Variants in RET observed in about 807,000 individuals in gnomAD.
RET encodes ret proto-oncogene.
RET carries 19 observed loss-of-function variants against 118.3 expected under a neutral mutation model. The observed-to-expected ratio is 0.16, with a 90% CI of 0.11 to 0.24. RET has a LOEUF of 0.24. Ranked by LOEUF, RET falls within the 10% of genes least tolerant of loss-of-function variation. The pLI is 1.00. For missense variants in RET, 1,219 were observed against 1,502.1 expected, an observed-to-expected ratio of 0.81 and a Z score of 3.12; for synonymous variants, 597 against 644.1, an observed-to-expected ratio of 0.93 and a Z score of 1.11.
chr10:43,113,454 C>A, intron 9 of RET, 102 bp from the exon 10 acceptor site: 1 of 1,370,900 alleles, frequency 7.3e-7, no homozygotes, highest in South Asian at 1.4e-5. Flanking sequence ...ATGCTTGCGA[C>A]ACCAGTTGGG....
At chr10:43,087,180 G>A (rs1449648562) in intron 1 of RET, among the ~76,000 whole-genome samples, 2 of 152,230 alleles carry the variant, frequency 1.3e-5, no homozygotes, top group Non-Finnish European at 2.9e-5. Context: ...CCATGTTCGT[G>A]CGTGCAGGGA....
chr10:43,083,958 C>G (rs1038434693), intron 1 of RET, among the ~76,000 whole-genome samples: 1 of 152,246 alleles, frequency 6.6e-6, no homozygotes, highest in African/African-American at 2.4e-5. Context: ...CGGGCAACCC[C>G]CAGCCTGCGT....
At position 43,106,769 on chromosome 10, in the gene RET, A is replaced by G. The variant is rs1301016955; in HGVS notation, c.1063+198A>G. Among the ~76,000 whole-genome samples the G allele has an allele frequency of 6.6e-6, 1 of 152,042 alleles. No homozygotes were observed. The highest frequency in any genetic ancestry group is 1.5e-5 in the Non-Finnish European group (1 of 67,994). On this transcript the variant is annotated intron_variant, in intron 5 of 19. Coordinates refer to ENST00000355710, the MANE Select transcript of RET (RefSeq NM_020975.6). This position sits in a 1 kb window ranked among gnomAD's most constrained non-coding sequence, Gnocchi z 5.1. ...TCCAGCCACCAGCAGGGCTTTCACC[A>G]TGGGACCTCTCTCCCTGAGCTGATC...
At chr10:43,121,822 C>T (rs1838224161) in intron 15 of RET, 124 bp from the exon 16 acceptor site, 4 of 771,962 alleles carry the variant, frequency 5.2e-6, no homozygotes, top group Admixed American at 3.5e-5. Context: ...GTTCTGTGCC[C>T]AGGAGTGTCT....
At chr10:43,087,233 C>T (rs915950911) in intron 1 of RET, among the ~76,000 whole-genome samples, 1 of 152,256 alleles carries the variant, frequency 6.6e-6, no homozygotes, top group Non-Finnish European at 1.5e-5. Flanking sequence ...ATCTCTCCTC[C>T]TCCTCAGCTG....
intron 19 of RET, chr10:43,127,073 G>A (rs755554528): frequency 8.3e-7 from 1 of 1,210,706 alleles, no homozygotes; most frequent in Non-Finnish European, 1.0e-6. Context: ...CTTTAACTAA[G>A]TGGATAAATA....
rs1197686992 is a variant in RET at position 43,114,854 on chromosome 10, G to A, written c.2136+118G>A. The A allele has an allele frequency of 9.7e-6, 11 of 1,133,226 alleles. No individual in the cohort carries two copies. In the East Asian group the frequency reaches 1.5e-4, roughly 16 times the overall value. 70.2% of individuals were successfully genotyped at this position (1,133,226 alleles called of 1,614,324 possible). ...GAGGGGCTGCCAACGCTGGGCAGAC[G>A]AGGCCTGTGTTCTGCCCCCATTTCC... is the stretch of plus-strand genomic sequence containing the variant. On this transcript the variant is annotated intron_variant, in intron 11 of 19. Coordinates refer to ENST00000355710, the MANE Select transcript of RET (RefSeq NM_020975.6). This position sits in a 1 kb window ranked among gnomAD's most constrained non-coding sequence, Gnocchi z 4.6.
In RET at chr10:43,077,293, G is replaced by C; in HGVS notation, c.35G>C (p.Arg12Pro). ...AKATSGAAGL[R>P]LLLLLLLPLL... Reference sequence around the variant, plus strand: ...GCGACGTCCGGTGCCGCGGGGCTGCGTCTGCTGTTGCTGCTGCTGCTGCCG... The same window carrying C: ...GCGACGTCCGGTGCCGCGGGGCTGCCTCTGCTGTTGCTGCTGCTGCTGCCG... The change falls in exon 1 of 20, where the codon CGT (arginine) becomes CCT (proline). Residue 12 changes from arginine to proline, a missense_variant. Arg to Pro is a moderately radical substitution (Grantham distance 103, BLOSUM62 -2). Around this residue, in one of 5 missense-constraint regions of RET, gnomAD observed 38 missense variants for 33.1 expected, o/e 1.15. Coordinates refer to ENST00000355710, the MANE Select transcript of RET (RefSeq NM_020975.6). 6.6e-7 allele frequency: 1 copy of C among 1,510,414 alleles called. No individual in the cohort carries two copies. The highest frequency in any genetic ancestry group is 8.8e-7 in the Non-Finnish European group (1 of 1,135,010). 93.6% of individuals were successfully genotyped at this position (1,510,414 alleles called of 1,614,324 possible).
chr10:43,079,624 T>A (rs997251497), intron 1 of RET, among the ~76,000 whole-genome samples: 54 of 152,316 alleles, frequency 3.5e-4, no homozygotes, highest in African/African-American at 1.3e-3. Flanking sequence ...TTGTCTCTTG[T>A]CTTCCTGGCC....
rs1194183394 is a variant in RET, at chr10:43,102,609, T to C, written c.605T>C (p.Val202Ala). 2 of 1,614,158 alleles carry C rather than the reference T, an allele frequency of 1.2e-6. No homozygotes were observed. Among genetic ancestry groups the C allele is most frequent in the Admixed American group, 3.3e-5 (2 of 60,034 alleles). Residue 202 changes from valine to alanine, a missense_variant, in exon 3 of 20, where the codon GTG becomes GCG. Physicochemically the swap from Val to Ala is moderately conservative, Grantham distance 64. Around this residue, in one of 5 missense-constraint regions of RET, gnomAD observed 850 missense variants for 969.6 expected, o/e 0.88. Transcript: ENST00000355710. ...PVQFLCPNIS[V>A]AYRLLEGEGL... The stretch of plus-strand genomic sequence containing the variant: ...CAGTTCTTGTGCCCCAACATCAGCG[T>C]GGCCTACAGGCTCCTGGAGGGTGAG...
At chr10:43,124,189 A>G (rs886924494) in intron 17 of RET, among the ~76,000 whole-genome samples, 1 of 152,090 alleles carries the variant, frequency 6.6e-6, no homozygotes, top group Admixed American at 6.5e-5. Flanking sequence ...CTGGGCTGCA[A>G]CCTGAGAGGT....
intron 1 of RET, among the ~76,000 whole-genome samples, chr10:43,087,178 G>C (rs926249950): frequency 6.6e-6 from 1 of 152,216 alleles, no homozygotes; most frequent in African/African-American, 2.4e-5. Flanking sequence ...GGCCATGTTC[G>C]TGCGTGCAGG....
chr10:43,110,275 A>T (rs1837886635), intron 6 of RET, among the ~76,000 whole-genome samples: 1 of 152,182 alleles, frequency 6.6e-6, no homozygotes, highest in Admixed American at 6.5e-5. Context: ...CTGTGGTCTC[A>T]CCTTTCTCCC....
intron 1 of RET, among the ~76,000 whole-genome samples, chr10:43,095,351 C>A (rs77362395): frequency 6.6e-6 from 1 of 152,156 alleles, no homozygotes; most frequent in Non-Finnish European, 1.5e-5. Flanking sequence ...GTGTAACAAC[C>A]GGAGACAGGA....
intron 1 of RET, 92 bp downstream of exon 1, chr10:43,077,423 T>G: frequency 7.1e-7 from 1 of 1,417,380 alleles, no homozygotes; most frequent in Middle Eastern, 2.5e-4. Context: ...CCTTTCTGTT[T>G]GCCGTGGGCA....
At chr10:43,127,481 T>G (rs1311880331) in intron 19 of RET, 4 of 1,043,208 alleles carry the variant, frequency 3.8e-6, no homozygotes, top group Non-Finnish European at 4.6e-6. Flanking sequence ...CCTTCTTTTG[T>G]CTTTGATTAA....
intron 1 of RET, among the ~76,000 whole-genome samples, chr10:43,099,288 T>C (rs995446736): frequency 1.1e-4 from 16 of 152,044 alleles, no homozygotes; most frequent in Non-Finnish European, 1.0e-4. Flanking sequence ...GGCGGGCGGA[T>C]CGCCGGAGGT....
intron 3 of RET, among the ~76,000 whole-genome samples, chr10:43,103,313 A>T (rs147212113): frequency 1.8e-4 from 28 of 152,226 alleles, no homozygotes; most frequent in African/African-American, 6.7e-4. Context: ...TGGGGTGGGA[A>T]GGTTCAGGGG....
intron 7 of RET, 122 bp from the exon 8 acceptor site, chr10:43,111,977 C>A (rs2132791983): frequency 7.1e-7 from 1 of 1,401,800 alleles, no homozygotes; most frequent in Non-Finnish European, 9.7e-7. Flanking sequence ...GGGTCTGTCA[C>A]TCCGGTCCCC....
Sources: allele counts gnomAD v4.1 joint callset (sites outside exome capture counted in the v4.1 genomes callset), GRCh38; gene constraint gnomAD v4.1.1; regional missense constraint gnomAD v4.1.1; non-coding constraint Gnocchi (gnomAD v3.1); transcripts MANE v1.5; gene names NCBI Gene and HGNC (gene_info 2026-07-23, HGNC 2026-07-21).